ADAMTS19: variants seen among roughly 807,000 people sequenced by gnomAD.
ADAMTS19 encodes ADAM metallopeptidase with thrombospondin type 1 motif 19.
Under a neutral mutation model 153.3 loss-of-function variants are expected in ADAMTS19, and 93 were observed. The observed-to-expected ratio is 0.61, with a 90% CI of 0.51 to 0.72. ADAMTS19 has a LOEUF of 0.72. Among genes scored for constraint, ADAMTS19 ranks in the 30% least tolerant of loss-of-function variants. The pLI is 0.00. For synonymous variants in ADAMTS19, 600 were observed against 556.6 expected, an observed-to-expected ratio of 1.08 and a Z score of -1.10; for missense variants, 1,482 against 1,552.1, an observed-to-expected ratio of 0.95 and a Z score of 0.76.
chr5:129,595,208 C>T (rs556651023), intron 7 of ADAMTS19, among the ~76,000 whole-genome samples: 1 of 152,214 alleles, frequency 6.6e-6, no homozygotes, highest in South Asian at 2.1e-4. Context: ...TTGTTGAGAA[C>T]TTCAGATATA....
At chr5:129,544,014 C>T (rs547954974) in intron 6 of ADAMTS19, among the ~76,000 whole-genome samples, 7 of 152,118 alleles carry the variant, frequency 4.6e-5, no homozygotes, top group Non-Finnish European at 8.8e-5. Flanking sequence ...TTAGCTCTAC[C>T]TTTTCCACAT....
At chr5:129,484,442 G>C (rs966479180) in intron 2 of ADAMTS19, among the ~76,000 whole-genome samples, 2 of 151,830 alleles carry the variant, frequency 1.3e-5, no homozygotes, top group Non-Finnish European at 2.9e-5. Flanking sequence ...ATTTTGTTAG[G>C]CATATATGCA....
At chr5:129,710,017 G>T (rs1301690231) in intron 21 of ADAMTS19, among the ~76,000 whole-genome samples, 2 of 151,498 alleles carry the variant, frequency 1.3e-5, no homozygotes, top group East Asian at 1.9e-4. Context: ...GGACCTGCAG[G>T]TTTGTTACAT....
chr5:129,624,898 C>T (rs1751954137), intron 10 of ADAMTS19, among the ~76,000 whole-genome samples: 1 of 151,966 alleles, frequency 6.6e-6, no homozygotes, highest in African/African-American at 2.4e-5. Context: ...AGGTTTGTTA[C>T]ATATGTATAC....
intron 7 of ADAMTS19, among the ~76,000 whole-genome samples, chr5:129,591,697 G>C (rs1163347227): frequency 6.6e-6 from 1 of 152,066 alleles, no homozygotes; most frequent in Non-Finnish European, 1.5e-5. Context: ...AAGACTCATA[G>C]TAAGACTCAC....
chr5:129,602,539 A>C (rs1420796211), intron 8 of ADAMTS19, among the ~76,000 whole-genome samples: 2 of 152,174 alleles, frequency 1.3e-5, no homozygotes, highest in Non-Finnish European at 2.9e-5. Flanking sequence ...TTCTTGAGCT[A>C]AGTATTGTTA....
At chr5:129,494,707 T>G (rs550132694) in intron 2 of ADAMTS19, among the ~76,000 whole-genome samples, 2 of 152,322 alleles carry the variant, frequency 1.3e-5, no homozygotes, top group African/African-American at 2.4e-5. Flanking sequence ...AATTCTGCTT[T>G]CCCCGCATTA....
At chr5:129,658,357 G>T (rs1753673021) in intron 14 of ADAMTS19, among the ~76,000 whole-genome samples, 1 of 150,474 alleles carries the variant, frequency 6.6e-6, no homozygotes, top group African/African-American at 2.5e-5. Flanking sequence ...AAGAAAGAAA[G>T]AAAGAAAGAA....
intron 7 of ADAMTS19, among the ~76,000 whole-genome samples, chr5:129,562,276 G>A (rs1280999732): frequency 2.6e-5 from 4 of 152,284 alleles, no homozygotes; most frequent in Non-Finnish European, 5.9e-5. Flanking sequence ...TTTTTTAAAT[G>A]TATATACTCA....
intron 7 of ADAMTS19, among the ~76,000 whole-genome samples, chr5:129,560,040 T>G (rs1753443085): frequency 6.6e-6 from 1 of 152,212 alleles, no homozygotes; most frequent in African/African-American, 2.4e-5. Context: ...TTTTATTTGG[T>G]ATGAAAATGT....
rs148015134 is a variant in ADAMTS19, at chr5:129,492,506, AGTGT to A, written c.748-16548_748-16545del. Among the ~76,000 whole-genome samples, 693 of 146,434 alleles carry A rather than the reference AGTGT, an allele frequency of 4.7e-3. 4 individuals are homozygous for A. Among genetic ancestry groups the A allele is most frequent in the African/African-American group, 7.1e-3 (285 of 40,030 alleles). On this transcript the variant is annotated intron_variant, in intron 2 of 22. Coordinates refer to ENST00000274487, the MANE Select transcript of ADAMTS19 (RefSeq NM_133638.6). ...TGTATTGCTTGTATAATTAAAGGTCAGTGTGTGTGTGTGTGTGTGTGTGTGTATG... is the reference window on the plus strand; with the variant it reads ...TGTATTGCTTGTATAATTAAAGGTCAGTGTGTGTGTGTGTGTGTGTGTATG...
At chr5:129,638,757 GATTA>G (rs1402304567) in intron 10 of ADAMTS19, among the ~76,000 whole-genome samples, 2 of 151,990 alleles carry the variant, frequency 1.3e-5, no homozygotes, top group East Asian at 1.9e-4. Flanking sequence ...TATGTCCAAG[GATTA>G]ATTATTACTT....
chr5:129,574,345 C>G (rs1754023411), intron 7 of ADAMTS19, among the ~76,000 whole-genome samples: 1 of 151,852 alleles, frequency 6.6e-6, no homozygotes, highest in Admixed American at 6.6e-5. Flanking sequence ...GCAGAACGTG[C>G]AGGTGTGTTA....
intron 18 of ADAMTS19, among the ~76,000 whole-genome samples, chr5:129,686,194 G>T (rs1755080387): frequency 6.6e-6 from 1 of 152,114 alleles, no homozygotes; most frequent in Non-Finnish European, 1.5e-5. Flanking sequence ...CTTGTGAAGT[G>T]AGTTTGGAAA....
intron 21 of ADAMTS19, among the ~76,000 whole-genome samples, chr5:129,724,065 G>A (rs550724111): frequency 6.6e-6 from 1 of 152,288 alleles, no homozygotes; most frequent in East Asian, 1.9e-4. Flanking sequence ...TACTTAGCAG[G>A]CTTCAGAGAG....
At chr5:129,641,214 C>T (rs1229249408) in intron 10 of ADAMTS19, among the ~76,000 whole-genome samples, 1 of 152,148 alleles carries the variant, frequency 6.6e-6, no homozygotes, top group Non-Finnish European at 1.5e-5. Context: ...GTTATCTTTG[C>T]TTATTGTTGC....
chr5:129,468,607 C>A (rs558491057), intron 2 of ADAMTS19, among the ~76,000 whole-genome samples: 134 of 152,198 alleles, frequency 8.8e-4, no homozygotes, highest in African/African-American at 3.0e-3. Flanking sequence ...CCACCTTGGC[C>A]TCCCAAAGTG....
chr5:129,552,943 G>A (rs533420762), intron 7 of ADAMTS19, among the ~76,000 whole-genome samples: 3 of 152,038 alleles, frequency 2.0e-5, no homozygotes, highest in East Asian at 1.9e-4. Context: ...AGGAATTGTC[G>A]GCATGAAAAG....
At chr5:129,701,679 T>C (rs928508209) in intron 20 of ADAMTS19, 87 bp downstream of exon 20, 5 of 1,389,712 alleles carry the variant, frequency 3.6e-6, no homozygotes, top group African/African-American at 2.9e-5. Context: ...AGAATCTGCA[T>C]TGAAGTTGAT....
Sources: gnomAD v4.1 joint callset for allele counts (sites outside exome capture counted in the v4.1 genomes callset) on GRCh38, gnomAD v4.1.1 for gene constraint, MANE v1.5 for transcripts, NCBI Gene and HGNC (gene_info 2026-07-23, HGNC 2026-07-21) for gene names.